KCNQ1: variants seen among roughly 807,000 people sequenced by gnomAD.
KCNQ1 encodes potassium voltage-gated channel subfamily KQT member 1.
In KCNQ1, 49 loss-of-function variants were observed where a neutral mutation model predicts 72.4. The observed-to-expected ratio is 0.68, with a 90% confidence interval of 0.54 to 0.86. KCNQ1 has a LOEUF of 0.86. Among genes scored for constraint, KCNQ1 ranks in the 40% least tolerant of loss-of-function variants. KCNQ1 has a pLI of 0.00. For missense variants in KCNQ1, 790 were observed against 945.1 expected, an observed-to-expected ratio of 0.84 and a Z score of 2.15; for synonymous variants, 450 against 412.6, an observed-to-expected ratio of 1.09 and a Z score of -1.10.
chr11:2,662,601 C>T (rs753173661), intron 11 of KCNQ1: 2 of 416,636 alleles, frequency 4.8e-6, no homozygotes, highest in East Asian at 3.4e-5. Context: ...CCTCCCCCGC[C>T]GTCACGGCAT....
In KCNQ1 at chr11:2,482,374, CCT is replaced by C. The variant is rs773409462; in HGVS notation, c.386+36891_386+36892del. 6.6e-6 allele frequency among the ~76,000 whole-genome samples: 1 copy of C among 152,174 alleles called. No homozygotes were observed. The highest frequency in any genetic ancestry group is 2.4e-5 in the African/African-American group (1 of 41,438). ...CTTTCAATGGCTGCCTGGCATTTCC[CCT>C]GTGTTATTGAACGTAATCAACTCTC... is the stretch of plus-strand genomic sequence containing the variant. On this transcript the variant is annotated intron_variant, in intron 1 of 15. Transcript: ENST00000155840. The surrounding 1 kb of genome is among the most constrained non-coding windows in gnomAD (Gnocchi z 5.7).
At position 2,484,600 on chromosome 11, in the gene KCNQ1, C is replaced by T. The variant is rs1846705755; in HGVS notation, c.386+39116C>T. 6.6e-6 allele frequency among the ~76,000 whole-genome samples: 1 copy of T among 152,210 alleles called. No homozygotes were observed. The highest frequency in any genetic ancestry group is 2.1e-4 in the South Asian group (1 of 4,832). On this transcript the variant is annotated intron_variant, in intron 1 of 15. Transcript: ENST00000155840. The surrounding 1 kb of genome is among the most constrained non-coding windows in gnomAD (Gnocchi z 5.2). ...TCCTGGCACCCCAAGATGCTCTGGGCTCAGCTTGTATTTCCTTGCCTCAGT... is the reference window on the plus strand; with the variant it reads ...TCCTGGCACCCCAAGATGCTCTGGGTTCAGCTTGTATTTCCTTGCCTCAGT...
chr11:2,614,245 T>G (rs1014319776), intron 10 of KCNQ1: 9 of 398,510 alleles, frequency 2.3e-5, no homozygotes, highest in African/African-American at 1.9e-4. Context: ...GCTGCTGCTC[T>G]GGACTACCTA....
At chr11:2,649,412 A>C in intron 10 of KCNQ1, 4 of 398,428 alleles carry the variant, frequency 1.0e-5, no homozygotes, top group Non-Finnish European at 1.3e-5. Context: ...GATGGTAGAT[A>C]TCATCCTCCT....
Position 2,651,133 on chromosome 11 carries a change from C to G in KCNQ1, c.1394-10828C>G, listed in dbSNP as rs1849750547. On this transcript the variant is annotated intron_variant, in intron 10 of 15. Transcript: ENST00000155840. The surrounding 1 kb of genome is among the most constrained non-coding windows in gnomAD (Gnocchi z 6.1). ...GTACTCCATTCTTCACATAACAGCT[C>G]AAGGGAGTTCTTTAAATGTACAGTG... 1.3e-5 allele frequency: 5 copies of G among 398,560 alleles called. No homozygotes were observed. In the South Asian group the frequency reaches 5.1e-4, roughly 41 times the overall value. 24.7% of individuals were successfully genotyped at this position (398,560 alleles called of 1,614,324 possible).
intron 11 of KCNQ1, among the ~76,000 whole-genome samples, chr11:2,709,236 C>A (rs965316138): frequency 6.8e-6 from 1 of 146,036 alleles, no homozygotes; most frequent in African/African-American, 2.6e-5. Flanking sequence ...CCCACCCCCA[C>A]CCCCCAGCCC....
intron 10 of KCNQ1, among the ~76,000 whole-genome samples, chr11:2,591,050 G>C (rs139039870): frequency 6.6e-6 from 1 of 152,176 alleles, no homozygotes; most frequent in Admixed American, 6.5e-5. Flanking sequence ...TCTCCCTCTC[G>C]GACCTCTTCC....
chr11:2,831,547 C>T (rs1185806981), intron 15 of KCNQ1, among the ~76,000 whole-genome samples: 1 of 152,066 alleles, frequency 6.6e-6, no homozygotes. Flanking sequence ...ATTCCTGATC[C>T]TTCTCTAGAC....
At chr11:2,833,204 G>A (rs1425887357) in intron 15 of KCNQ1, among the ~76,000 whole-genome samples, 3 of 152,170 alleles carry the variant, frequency 2.0e-5, no homozygotes, top group South Asian at 2.1e-4. Flanking sequence ...GCCCCTGCAC[G>A]CAAGGGGCCC....
At chr11:2,633,133 C>T (rs1849390690) in intron 10 of KCNQ1, 1 of 398,466 alleles carries the variant, frequency 2.5e-6, no homozygotes, top group Admixed American at 4.4e-5. Context: ...TAATGTCTCA[C>T]TGTGGCTTTG....
chr11:2,664,666 C>T lies in KCNQ1; in HGVS notation c.1514+2585C>T, dbSNP rs1341887962. 9 of 398,704 alleles carry T rather than the reference C, an allele frequency of 2.3e-5. No homozygotes were observed. Among genetic ancestry groups the T allele is most frequent in the Non-Finnish European group, 3.5e-5 (8 of 226,244 alleles). 24.7% of individuals were successfully genotyped at this position (398,704 alleles called of 1,614,324 possible). On this transcript the variant is annotated intron_variant, in intron 11 of 15. Coordinates refer to ENST00000155840, the MANE Select transcript of KCNQ1 (RefSeq NM_000218.3). The surrounding 1 kb of genome is among the most constrained non-coding windows in gnomAD (Gnocchi z 5.1). ...CCAGCTGCTCAGGGATGCAGCGAAG[C>T]TCCTGTGGGCAGCCTGGCCCCATGG... is the stretch of plus-strand genomic sequence containing the variant.
Position 2,621,142 on chromosome 11 carries a change from T to G in KCNQ1, c.1393+32288T>G. 2.5e-6 allele frequency: 1 copy of G among 397,272 alleles called. No homozygotes were observed. The highest frequency in any genetic ancestry group is 4.4e-6 in the Non-Finnish European group (1 of 225,828). 24.6% of individuals were successfully genotyped at this position (397,272 alleles called of 1,614,324 possible). On this transcript the variant is annotated intron_variant, in intron 10 of 15. Transcript: ENST00000155840. The surrounding 1 kb of genome is among the most constrained non-coding windows in gnomAD (Gnocchi z 5.7). ...ACAGGTGACCGCCACCATACCTGGC[T>G]AATTTTTGTGTTTTTAGTAGAGACG...
intron 2 of KCNQ1, among the ~76,000 whole-genome samples, chr11:2,555,343 G>A (rs1589947853): frequency 6.6e-6 from 1 of 152,194 alleles, no homozygotes; most frequent in African/African-American, 2.4e-5. Context: ...TGATCAGAGG[G>A]GTGCACCGTC....
intron 11 of KCNQ1, among the ~76,000 whole-genome samples, chr11:2,756,981 A>AAAAAAAC (rs58902386): frequency 0.016 from 1,810 of 115,078 alleles, 189 homozygotes; most frequent in Non-Finnish European, 0.023. Flanking sequence ...AAAAAAAAAA[A>AAAAAAAC]CCCACAGCTA....
chr11:2,742,641 G>C lies in KCNQ1; in HGVS notation c.1515-26203G>C, dbSNP rs968583035. On this transcript the variant is annotated intron_variant, in intron 11 of 15. Transcript: ENST00000155840. ...TGGTTTTCTGGGGCTGAGGATGCTC[G>C]GTGTTTGTCCAGGCTCTGTCCTGCT... Among the ~76,000 whole-genome samples, 3 of 152,246 alleles carry C rather than the reference G, an allele frequency of 2.0e-5. No individual in the cohort carries two copies. In the East Asian group the frequency reaches 5.8e-4, roughly 29 times the overall value.
chr11:2,461,624 T>C (rs1282933374), intron 1 of KCNQ1: 1 of 1,364,762 alleles, frequency 7.3e-7, no homozygotes, highest in Non-Finnish European at 9.8e-7. Flanking sequence ...CAACTCCAGG[T>C]TTCTGGCTCT....
chr11:2,523,644 G>A (rs1847433037), intron 1 of KCNQ1, among the ~76,000 whole-genome samples: 1 of 152,160 alleles, frequency 6.6e-6, no homozygotes, highest in Non-Finnish European at 1.5e-5. Context: ...GGGCAGCTGT[G>A]AAGTGGGGTT....
chr11:2,759,892 A>G lies in KCNQ1; in HGVS notation c.1515-8952A>G, dbSNP rs1846362323. Among the ~76,000 whole-genome samples the G allele has an allele frequency of 6.6e-6, 1 of 152,070 alleles. No individual in the cohort carries two copies. The stretch of plus-strand genomic sequence containing the variant: ...GGACCCAAGCCCCAGGACCCCCTGG[A>G]GTCACCTCCAGCCCTCCCACATGCC... On this transcript the variant is annotated intron_variant, in intron 11 of 15. Transcript: ENST00000155840. This position sits in a 1 kb window ranked among gnomAD's most constrained non-coding sequence, Gnocchi z 4.4.
Position 2,768,945 on chromosome 11 carries a change from C to A in KCNQ1, c.1590+26C>A. ...GTAAGCCCTGTGCTGAGCCTTCCTG[C>A]CCTCAGCCTGCCCCTCGCAGCCTGA... On this transcript the variant is annotated intron_variant, in intron 12 of 15. Coordinates refer to ENST00000155840, the MANE Select transcript of KCNQ1 (RefSeq NM_000218.3). This position sits in a 1 kb window ranked among gnomAD's most constrained non-coding sequence, Gnocchi z 6.7. 4.4e-6 allele frequency: 7 copies of A among 1,575,626 alleles called. No individual in the cohort carries two copies. The highest frequency in any genetic ancestry group is 6.1e-6 in the Non-Finnish European group (7 of 1,145,352).
Sources: allele counts gnomAD v4.1 joint callset (sites outside exome capture counted in the v4.1 genomes callset), GRCh38; gene constraint gnomAD v4.1.1; non-coding constraint Gnocchi (gnomAD v3.1); transcripts MANE v1.5; gene names NCBI Gene and HGNC (gene_info 2026-07-23, HGNC 2026-07-21).